The following ZNF469 variants were observed in gnomAD, a reference collection of about 807,000 sequenced individuals.
The protein encoded by ZNF469 is zinc finger protein 469.
In ZNF469, 1 loss-of-function variant was observed where a neutral mutation model predicts 1.0. That is an observed-to-expected ratio of 1.00 (90% confidence interval 0.35 to 4.73). The LOEUF is 4.73. ZNF469 is among the 30% of genes most tolerant of loss of function. ZNF469 has a pLI of 0.16. For synonymous variants in ZNF469, 2,703 were observed against 2,363.4 expected, an observed-to-expected ratio of 1.14 and a Z score of -4.17; for missense variants, 6,100 against 5,356.3, an observed-to-expected ratio of 1.14 and a Z score of -4.33.
At chr16:88,128,434 C>T in the ZNF469 span, among the ~76,000 whole-genome samples, 2 of 152,174 alleles carry the variant, frequency 1.3e-5, no homozygotes, top group African/African-American at 4.8e-5. Flanking sequence ...TTATTTTTTG[C>T]TGTTCTCACC....
Position 88,435,816 on chromosome 16 carries a change from C to G in ZNF469, c.8346C>G (p.His2782Gln). The G allele has an allele frequency of 6.4e-7, 1 of 1,550,554 alleles. No individual in the cohort carries two copies. The highest frequency in any genetic ancestry group is 8.7e-7 in the Non-Finnish European group (1 of 1,146,950). The change falls in exon 3 of 3, where the codon CAC (histidine) becomes CAG (glutamine). Residue 2782 changes from histidine to glutamine, a missense_variant. Coordinates refer to ENST00000565624, the MANE Select transcript of ZNF469 (RefSeq NM_001367624.2). ...CTGCGGAGGACAGCAGCAGGGCCCA[C>G]AGCCGATCAGAGGAAGGTGTCTGGG... is the stretch of plus-strand genomic sequence containing the variant. ...SEPAEDSSRA[H>Q]SRSEEGVWEE...
At chr16:88,374,416 G>A in the ZNF469 span, among the ~76,000 whole-genome samples, 2 of 152,212 alleles carry the variant, frequency 1.3e-5, no homozygotes, top group Non-Finnish European at 2.9e-5. Context: ...CAGCAGCTCA[G>A]GGTGGCCTGA....
chr16:88,414,371 G>T (rs1274450693), intron 1 of ZNF469, among the ~76,000 whole-genome samples: 2 of 152,256 alleles, frequency 1.3e-5, no homozygotes, highest in Non-Finnish European at 2.9e-5. Flanking sequence ...GGAGGCATCT[G>T]GCCTCGGGGG....
chr16:88,320,459 C>T, the ZNF469 span, among the ~76,000 whole-genome samples: 1 of 152,202 alleles, frequency 6.6e-6, no homozygotes, highest in Non-Finnish European at 1.5e-5. Flanking sequence ...TGTGAGCTCA[C>T]TGCAACCTCT....
At position 88,428,868 on chromosome 16, in the gene ZNF469, C is replaced by A. The variant is rs1186811286; in HGVS notation, c.1398C>A (p.Gly466=). The A allele has an allele frequency of 2.6e-6, 4 of 1,548,462 alleles. No individual in the cohort carries two copies. In the South Asian group the frequency reaches 4.8e-5, roughly 18 times the overall value. The change falls in exon 3 of 3, where the codon GGC becomes GGA. Residue 466 remains glycine (G), a synonymous_variant. Transcript: ENST00000565624. ...CCACCAGGAGTATGTTCTTTAACGG[C>A]CAGCCCAGCCCAGGCCAGCGGCTCT... The part of the protein sequence containing the change: ...LAATRSMFFN[G]QPSPGQRLCL...
At chr16:88,239,666 TGTATATATATATATATATATATATA>T in the ZNF469 span, among the ~76,000 whole-genome samples, 7 of 40,588 alleles carry the variant, frequency 1.7e-4, no homozygotes, top group Admixed American at 7.1e-4. Flanking sequence ...TTTTTTTTTT[TGTATATATATATATATATATATATA>T]TATATATATA....
intron 1 of ZNF469, among the ~76,000 whole-genome samples, chr16:88,409,695 A>G (rs1037327256): frequency 6.6e-6 from 1 of 152,224 alleles, no homozygotes; most frequent in African/African-American, 2.4e-5. Context: ...GCATGTGTTC[A>G]CACGTGTGCA....
At chr16:88,137,588 AACTG>A in the ZNF469 span, among the ~76,000 whole-genome samples, 1 of 147,892 alleles carries the variant, frequency 6.8e-6, no homozygotes, top group Non-Finnish European at 1.5e-5. Context: ...ACATGCATAC[AACTG>A]TGCATGAATA....
At chr16:88,273,797 G>T in the ZNF469 span, among the ~76,000 whole-genome samples, 158 of 144,970 alleles carry the variant, frequency 1.1e-3, no homozygotes, top group African/African-American at 3.9e-3. Context: ...TATTCACACT[G>T]TGGAATATTT....
chr16:88,246,779 G>A, the ZNF469 span, among the ~76,000 whole-genome samples: 1 of 152,196 alleles, frequency 6.6e-6, no homozygotes, highest in African/African-American at 2.4e-5. Flanking sequence ...ATCAGTGAGT[G>A]AGTGAGGGAG....
At chr16:88,185,791 T>C in the ZNF469 span, among the ~76,000 whole-genome samples, 1 of 147,918 alleles carries the variant, frequency 6.8e-6, no homozygotes, top group Non-Finnish European at 1.5e-5. Context: ...CACATGTGAA[T>C]ATAGTACTCG....
chr16:88,417,132 C>G (rs1200371657), intron 1 of ZNF469, among the ~76,000 whole-genome samples: 1 of 152,188 alleles, frequency 6.6e-6, no homozygotes, highest in African/African-American at 2.4e-5. Flanking sequence ...TGGGCCTCCC[C>G]CAGGAGGCCG....
At chr16:88,115,984 C>G in the ZNF469 span, among the ~76,000 whole-genome samples, 1 of 152,202 alleles carries the variant, frequency 6.6e-6, no homozygotes, top group Non-Finnish European at 1.5e-5. Context: ...GGTGGCCTCC[C>G]CATCTCAGGT....
the ZNF469 span, among the ~76,000 whole-genome samples, chr16:88,118,708 A>G: frequency 2.0e-5 from 3 of 152,248 alleles, no homozygotes; most frequent in South Asian, 6.2e-4. Context: ...ACTGCTTTTA[A>G]AAGAAGATAC....
chr16:88,198,975 C>A, the ZNF469 span, among the ~76,000 whole-genome samples: 1 of 152,220 alleles, frequency 6.6e-6, no homozygotes, highest in South Asian at 2.1e-4. Flanking sequence ...GCCTCATGTT[C>A]TCTGTTAGCT....
the ZNF469 span, among the ~76,000 whole-genome samples, chr16:88,365,723 TGA>T: frequency 6.6e-6 from 1 of 152,210 alleles, no homozygotes; most frequent in African/African-American, 2.4e-5. Context: ...GCTTCAGGGC[TGA>T]GTGTGGTTGC....
At chr16:88,354,362 C>G in the ZNF469 span, among the ~76,000 whole-genome samples, 11,073 of 152,226 alleles carry the variant, frequency 0.073, 399 homozygotes, top group Admixed American at 0.092. Flanking sequence ...CCTCGGCTCC[C>G]TGGATATTCT....
chr16:88,313,692 ACTGTCATCT>A, the ZNF469 span, among the ~76,000 whole-genome samples: 1 of 151,226 alleles, frequency 6.6e-6, no homozygotes, highest in South Asian at 2.1e-4. Context: ...GCTGGTGTAG[ACTGTCATCT>A]CTGTAATTCA....
At chr16:88,135,404 G>A in the ZNF469 span, among the ~76,000 whole-genome samples, 3 of 152,138 alleles carry the variant, frequency 2.0e-5, no homozygotes, top group Admixed American at 6.5e-5. Context: ...CAGTGACACC[G>A]CCAGATGGGG....
Sources: allele counts gnomAD v4.1 joint callset (sites outside exome capture counted in the v4.1 genomes callset), GRCh38; gene constraint gnomAD v4.1.1; transcripts MANE v1.5; gene names NCBI Gene and HGNC (gene_info 2026-07-23, HGNC 2026-07-21).